Variants in A2M observed in about 807,000 individuals in gnomAD.
A2M encodes the protein C3 and PZP-like alpha-2-macroglobulin domain-containing protein 5.
In A2M, 128 loss-of-function variants were observed where a neutral mutation model predicts 183.9. The ratio of observed to expected loss-of-function variants is 0.70; its 90% CI spans 0.60 to 0.81. The LOEUF (loss-of-function observed/expected upper bound fraction) is 0.81. Among genes scored for constraint, A2M ranks in the 30% least tolerant of loss-of-function variants. The pLI, the probability that A2M is intolerant of heterozygous loss-of-function variation, is 0.00. For missense variants in A2M, 1,495 were observed against 1,787.6 expected, an observed-to-expected ratio of 0.84 and a Z score of 2.95; for synonymous variants, 592 against 670.8, an observed-to-expected ratio of 0.88 and a Z score of 1.81.
chr12:9,095,031 A>G lies in A2M; in HGVS notation c.2067T>C (p.Cys689=). 1 of 1,598,254 alleles carries G rather than the reference A, an allele frequency of 6.3e-7. No individual in the cohort carries two copies. The highest frequency in any genetic ancestry group is 8.5e-7 in the Non-Finnish European group (1 of 1,171,362). The change falls in exon 17 of 36, where the codon TGT becomes TGC. Residue 689 remains cysteine (C), a synonymous_variant. Transcript: ENST00000318602. ...GCATTTCATACTGTTGAAGCTGTGG[A>G]CACATTTTGGGTTTACGAATCTTTG... ...TNSKIRKPKM[C]PQLQQYEMHG...
intron 34 of A2M, 112 bp downstream of exon 34, chr12:9,068,628 T>C: frequency 1.1e-6 from 1 of 873,394 alleles, no homozygotes; most frequent in Non-Finnish European, 1.8e-6. Flanking sequence ...GGAGACAAAA[T>C]GAAGTGATAA....
intron 22 of A2M, among the ~76,000 whole-genome samples, chr12:9,086,072 A>G: frequency 6.6e-6 from 1 of 152,368 alleles, no homozygotes; most frequent in Middle Eastern, 3.4e-3. Context: ...TCATTTAAAA[A>G]GAATGAATAC....
intron 22 of A2M, among the ~76,000 whole-genome samples, chr12:9,087,967 T>C (rs757371480): frequency 6.6e-6 from 1 of 152,194 alleles, no homozygotes; most frequent in African/African-American, 2.4e-5. Flanking sequence ...AAAACCAATA[T>C]AGGAAGACTA....
At chr12:9,103,704 T>G (rs2137904271) in intron 11 of A2M, among the ~76,000 whole-genome samples, 1 of 152,342 alleles carries the variant, frequency 6.6e-6, no homozygotes, top group East Asian at 1.9e-4. Context: ...TACCATAACG[T>G]CCTCAAGGAT....
rs772213306 is a variant in A2M, at chr12:9,112,551, C to T, written c.271-15G>A. Reference sequence around the variant, plus strand: ...GACTTTGGGACCTGAAATACAGGACCGATCCTGAAACCCCATTCAGCACCC... The same window carrying T: ...GACTTTGGGACCTGAAATACAGGACTGATCCTGAAACCCCATTCAGCACCC... On this transcript the variant is annotated splice_polypyrimidine_tract_variant and intron_variant, in intron 2 of 35. Coordinates refer to ENST00000318602, the MANE Select transcript of A2M (RefSeq NM_000014.6). 6.8e-6 allele frequency: 11 copies of T among 1,613,032 alleles called. No individual in the cohort carries two copies. Among genetic ancestry groups the T allele is most frequent in the East Asian group, 2.2e-5 (1 of 44,870 alleles).
chr12:9,116,176 C>T (rs1939105745), upstream of A2M: 2 of 348,172 alleles, frequency 5.7e-6, no homozygotes, highest in African/African-American at 4.3e-5. Flanking sequence ...CTCTCCCTCA[C>T]TCCCCCACAA....
intron 13 of A2M, among the ~76,000 whole-genome samples, chr12:9,100,720 G>A (rs226398): frequency 1 from 152,048 of 152,390 alleles, 75,855 homozygotes; most frequent in East Asian, 1. Context: ...ATGGTCTCTC[G>A]TTACTTGAAA....
At chr12:9,087,756 CA>C (rs1201779401) in intron 22 of A2M, among the ~76,000 whole-genome samples, 1 of 151,962 alleles carries the variant, frequency 6.6e-6, no homozygotes, top group East Asian at 1.9e-4. Flanking sequence ...TATATATATA[CA>C]ATTATAAATG....
At chr12:9,111,139 TAAG>T (rs764251675) in intron 4 of A2M, among the ~76,000 whole-genome samples, 10 of 152,306 alleles carry the variant, frequency 6.6e-5, no homozygotes, top group South Asian at 4.1e-4. Flanking sequence ...TAAACATTGA[TAAG>T]AAGCTACTAT....
chr12:9,108,817 G>C (rs1463395207), intron 7 of A2M, among the ~76,000 whole-genome samples: 1 of 152,196 alleles, frequency 6.6e-6, no homozygotes, highest in Non-Finnish European at 1.5e-5. Context: ...CCCGCCTTAG[G>C]TGGACTAGTG....
Position 9,095,524 on chromosome 12 carries a change from A to G in A2M, c.2013+15T>C, listed in dbSNP as rs1345358400. 2 of 1,605,772 alleles carry G rather than the reference A, an allele frequency of 1.2e-6. No homozygotes were observed. Among genetic ancestry groups the G allele is most frequent in the Non-Finnish European group, 8.5e-7 (1 of 1,174,040 alleles). On this transcript the variant is annotated intron_variant, in intron 16 of 35. Transcript: ENST00000318602. ...GAAGCTTAAGATCAGACCATCTGCAACATAAGGAGTTTACCTCTAGGAAGC... is the reference window on the plus strand; with the variant it reads ...GAAGCTTAAGATCAGACCATCTGCAGCATAAGGAGTTTACCTCTAGGAAGC...
intron 35 of A2M, 111 bp from the exon 36 acceptor site, chr12:9,067,950 C>G: frequency 9.1e-7 from 1 of 1,095,204 alleles, no homozygotes; most frequent in Non-Finnish European, 1.4e-6. Context: ...CTAATCAGTA[C>G]AGTGGGAAAC....
intron 10 of A2M, 124 bp from the exon 11 acceptor site, chr12:9,104,524 G>A (rs1938136714): frequency 3.0e-6 from 3 of 1,004,828 alleles, no homozygotes; most frequent in Non-Finnish European, 4.1e-6. Flanking sequence ...TGAGGACACA[G>A]CAGTGAAAAA....
rs1949483496 is a variant in A2M, at chr12:9,099,422, C to G, written c.1660G>C (p.Asp554His). ...AVLPTGDVIGDSAKYDVENCL... is the reference protein window; with the variant it reads ...AVLPTGDVIGHSAKYDVENCL... ...TTTTCAACATCATATTTTGCAGAAT[C>G]CCCAATCACGTCCCCGGTAGGTAAA... Residue 554 changes from aspartate to histidine, a missense_variant, in exon 14 of 36, where the codon GAT becomes CAT. Coordinates refer to ENST00000318602, the MANE Select transcript of A2M (RefSeq NM_000014.6). 1.3e-6 allele frequency: 2 copies of G among 1,580,172 alleles called. No homozygotes were observed. The highest frequency in any genetic ancestry group is 2.7e-5 in the African/African-American group (2 of 74,198).
intron 6 of A2M, 65 bp from the exon 7 acceptor site, chr12:9,109,470 GGTTCCCTGTAACA>G: frequency 7.8e-7 from 1 of 1,279,414 alleles, no homozygotes; most frequent in East Asian, 2.4e-5. Context: ...CCTATTTTCA[GGTTCCCTGTAACA>G]GTTCCCTAAT....
chr12:9,074,243 A>G lies in A2M; in HGVS notation c.3756+317T>C, dbSNP rs917521001. Among the ~76,000 whole-genome samples, 7 of 152,134 alleles carry G rather than the reference A, an allele frequency of 4.6e-5. 1 individual carries two copies. Among genetic ancestry groups the G allele is most frequent in the Admixed American group, 1.3e-4 (2 of 15,272 alleles). ...TTGAACAGTTTGAAAGAGACCCTAGAGCTTTCAGGAGAATGGCAGGAGACA... is the reference window on the plus strand; with the variant it reads ...TTGAACAGTTTGAAAGAGACCCTAGGGCTTTCAGGAGAATGGCAGGAGACA... On this transcript the variant is annotated intron_variant, in intron 29 of 35. Transcript: ENST00000318602.
chr12:9,092,545 G>A (rs1471719762), intron 18 of A2M, among the ~76,000 whole-genome samples: 1 of 152,182 alleles, frequency 6.6e-6, no homozygotes, highest in Non-Finnish European at 1.5e-5. Flanking sequence ...CCAGGAGCCT[G>A]AAAGGGAGTA....
At chr12:9,082,680 G>A (rs936095578) in intron 22 of A2M, among the ~76,000 whole-genome samples, 5 of 152,120 alleles carry the variant, frequency 3.3e-5, no homozygotes, top group African/African-American at 1.2e-4. Context: ...AAAAGAAACT[G>A]GCCAAGCTCA....
chr12:9,068,728 A>C lies in A2M; in HGVS notation c.4366+12T>G. ...AATTAAATATTTCTACGTGAAAATC[A>C]CTCTCACTCACCCGTCTCGTAGTAA... On this transcript the variant is annotated intron_variant, in intron 34 of 35. Transcript: ENST00000318602. 6.4e-7 allele frequency: 1 copy of C among 1,569,748 alleles called. No individual in the cohort carries two copies. Among genetic ancestry groups the C allele is most frequent in the Non-Finnish European group, 8.7e-7 (1 of 1,149,016 alleles).
Sources: gnomAD v4.1 joint callset for allele counts (sites outside exome capture counted in the v4.1 genomes callset) on GRCh38, gnomAD v4.1.1 for gene constraint, MANE v1.5 for transcripts, NCBI Gene and HGNC (gene_info 2026-07-23, HGNC 2026-07-21) for gene names.